TRAPPC9: variants seen among roughly 807,000 people sequenced by gnomAD.
TRAPPC9 encodes the protein trafficking protein particle complex subunit 9.
In TRAPPC9, 83 loss-of-function variants were observed where a neutral mutation model predicts 124.0. The ratio of observed to expected loss-of-function variants is 0.67; its 90% CI spans 0.56 to 0.80. The LOEUF (loss-of-function observed/expected upper bound fraction) is 0.80, where lower values mean the gene tolerates loss of function less well. Among genes scored for constraint, TRAPPC9 ranks in the 30% least tolerant of loss-of-function variants. The pLI is 0.00. For synonymous variants in TRAPPC9, 638 were observed against 617.5 expected, an observed-to-expected ratio of 1.03 and a Z score of -0.49; for missense variants, 1,302 against 1,508.3, an observed-to-expected ratio of 0.86 and a Z score of 2.27.
intron 16 of TRAPPC9, among the ~76,000 whole-genome samples, chr8:140,240,076 G>A (rs930423144): frequency 1.3e-5 from 2 of 152,278 alleles, no homozygotes; most frequent in South Asian, 4.1e-4. Flanking sequence ...ATAAGTGGAA[G>A]CATCCGTTAT....
intron 16 of TRAPPC9, among the ~76,000 whole-genome samples, chr8:140,248,189 C>A (rs900795909): frequency 5.9e-5 from 9 of 152,162 alleles, no homozygotes; most frequent in Non-Finnish European, 1.5e-5. Context: ...GGGTGGTACT[C>A]AAGAATATAA....
chr8:139,845,391 A>G (rs1827010159), intron 21 of TRAPPC9, among the ~76,000 whole-genome samples: 1 of 152,202 alleles, frequency 6.6e-6, no homozygotes, highest in South Asian at 2.1e-4. Flanking sequence ...AGCGTACGAC[A>G]TTAAAACGCA....
At chr8:139,963,834 C>T (rs1449520905) in intron 19 of TRAPPC9, among the ~76,000 whole-genome samples, 1 of 143,496 alleles carries the variant, frequency 7.0e-6, no homozygotes, top group African/African-American at 2.6e-5. Context: ...ATTTAAAATA[C>T]AGAAACAATG....
At chr8:140,386,207 C>T (rs111764090) in intron 7 of TRAPPC9, among the ~76,000 whole-genome samples, 2 of 152,148 alleles carry the variant, frequency 1.3e-5, no homozygotes, top group East Asian at 1.9e-4. Flanking sequence ...CCACAGCCAA[C>T]ATCATACTGA....
chr8:140,142,148 G>GT (rs1407487092), intron 17 of TRAPPC9, among the ~76,000 whole-genome samples: 3 of 152,202 alleles, frequency 2.0e-5, no homozygotes, highest in Non-Finnish European at 4.4e-5. Flanking sequence ...AAACAGCACT[G>GT]TTGGGAGGAA....
intron 16 of TRAPPC9, among the ~76,000 whole-genome samples, chr8:140,247,508 T>C (rs1225306404): frequency 1.3e-5 from 2 of 150,744 alleles, no homozygotes; most frequent in Non-Finnish European, 2.9e-5. Flanking sequence ...CCGCTCATTC[T>C]AAGTCAAGAT....
intron 21 of TRAPPC9, among the ~76,000 whole-genome samples, chr8:139,863,953 A>C (rs919300160): frequency 2.0e-5 from 3 of 152,206 alleles, no homozygotes; most frequent in African/African-American, 7.2e-5. Flanking sequence ...CACAGTTCCC[A>C]GCCAGGACTG....
rs117632905 is a variant in TRAPPC9, at chr8:140,360,138, G to A, written c.1407C>T (p.Tyr469=). The change falls in exon 9 of 23, where the codon TAC becomes TAT. Residue 469 remains tyrosine, a synonymous_variant. Transcript: ENST00000438773. ...VQMRLLHELV[Y]ASRRMGNPAL... ...CAGGGTTCCCCATCCTTCGGGAGGC[G>A]TAGACCAATTCATGGAGCAAACGCA... is the stretch of plus-strand genomic sequence containing the variant. 1,556 of 1,614,206 alleles carry A rather than the reference G, an allele frequency of 9.6e-4. 13 individuals carry two copies. Among genetic ancestry groups the A allele is most frequent in the East Asian group, 1.3e-3 (58 of 44,894 alleles).
intron 17 of TRAPPC9, among the ~76,000 whole-genome samples, chr8:140,134,394 G>A (rs1368941394): frequency 2.6e-5 from 4 of 152,108 alleles, no homozygotes; most frequent in African/African-American, 4.8e-5. Flanking sequence ...AGCCTCCCGA[G>A]TAGTGGGATT....
At chr8:140,429,076 TTC>T in intron 4 of TRAPPC9, among the ~76,000 whole-genome samples, 1 of 142,180 alleles carries the variant, frequency 7.0e-6, no homozygotes, top group South Asian at 2.4e-4. Flanking sequence ...TTTTTTGTTT[TTC>T]TGTTTTTGTT....
intron 17 of TRAPPC9, among the ~76,000 whole-genome samples, chr8:140,176,035 G>T (rs144408566): frequency 2.6e-5 from 4 of 152,310 alleles, no homozygotes; most frequent in Non-Finnish European, 4.4e-5. Context: ...GGAAACCGTC[G>T]CAACTCAGTG....
At chr8:140,101,541 GT>G (rs11387005) in intron 17 of TRAPPC9, among the ~76,000 whole-genome samples, 28 of 114,964 alleles carry the variant, frequency 2.4e-4, no homozygotes, top group Non-Finnish European at 4.0e-4. Flanking sequence ...TCTTTTTTTT[GT>G]TTTTTTTTTT....
chr8:140,394,495 G>A (rs1248783579), intron 7 of TRAPPC9, among the ~76,000 whole-genome samples: 1 of 152,228 alleles, frequency 6.6e-6, no homozygotes, highest in Non-Finnish European at 1.5e-5. Flanking sequence ...CAGAGACACA[G>A]AGTGATTGTG....
intron 16 of TRAPPC9, among the ~76,000 whole-genome samples, chr8:140,235,756 A>G (rs1401933917): frequency 6.6e-6 from 1 of 152,260 alleles, no homozygotes; most frequent in African/African-American, 2.4e-5. Context: ...AAGCCAACAT[A>G]AACCTGAGCT....
chr8:140,428,364 T>G (rs1182758266), intron 4 of TRAPPC9, among the ~76,000 whole-genome samples: 1 of 152,172 alleles, frequency 6.6e-6, no homozygotes, highest in African/African-American at 2.4e-5. Flanking sequence ...GACCAAAATA[T>G]CAGGGTTCAA....
At chr8:140,360,638 GAA>G (rs10571203) in intron 8 of TRAPPC9, among the ~76,000 whole-genome samples, 37,280 of 148,756 alleles carry the variant, frequency 0.25, 4,880 homozygotes, top group Non-Finnish European at 0.28. Flanking sequence ...AGCTAAATTA[GAA>G]AAAAAAAAAG....
chr8:140,375,708 A>T (rs1311048994), intron 7 of TRAPPC9, among the ~76,000 whole-genome samples: 2 of 152,262 alleles, frequency 1.3e-5, no homozygotes, highest in Non-Finnish European at 2.9e-5. Flanking sequence ...CTGTTAGTTA[A>T]TGCCTTTGAC....
At chr8:140,023,576 A>C (rs1839942881) in intron 18 of TRAPPC9, among the ~76,000 whole-genome samples, 1 of 152,216 alleles carries the variant, frequency 6.6e-6, no homozygotes. Flanking sequence ...TCCCTAAGAC[A>C]TGTGCTATCC....
intron 21 of TRAPPC9, among the ~76,000 whole-genome samples, chr8:139,772,717 TG>T (rs1209551154): frequency 6.6e-6 from 1 of 152,236 alleles, no homozygotes; most frequent in Non-Finnish European, 1.5e-5. Flanking sequence ...GGGGCTGAAT[TG>T]TGACTCCAAA....
Sources: gnomAD v4.1 joint callset for allele counts (sites outside exome capture counted in the v4.1 genomes callset) on GRCh38, gnomAD v4.1.1 for gene constraint, MANE v1.5 for transcripts, NCBI Gene and HGNC (gene_info 2026-07-23, HGNC 2026-07-21) for gene names.